API5: variants seen among roughly 807,000 people sequenced by gnomAD.
The protein encoded by API5 is FIF.
API5 carries 6 observed loss-of-function variants against 71.9 expected under a neutral mutation model. That is an observed-to-expected ratio of 0.08 (90% CI 0.05 to 0.16). The LOEUF (loss-of-function observed/expected upper bound fraction) is 0.16. API5 is among the 10% of genes least tolerant of loss of function. API5 has a pLI of 1.00. For missense variants in API5, 332 were observed against 612.8 expected (o/e 0.54, Z 4.84); for synonymous variants, 189 against 221.3 (o/e 0.85, Z 1.30).
chr11:43,341,043 A>G (rs1186189061), intron 13 of API5, among the ~76,000 whole-genome samples: 1 of 152,234 alleles, frequency 6.6e-6, no homozygotes, highest in African/African-American at 2.4e-5. Context: ...GAGGATTAAT[A>G]TTCAGAATAT....
chr11:43,340,837 T>G (rs1312149513), intron 13 of API5, among the ~76,000 whole-genome samples: 2 of 151,994 alleles, frequency 1.3e-5, no homozygotes, highest in Non-Finnish European at 2.9e-5. Context: ...ACAATAAAAC[T>G]ACCATAAGAG....
At chr11:43,335,219 C>T (rs1428101966) in intron 11 of API5, 59 bp from the exon 12 acceptor site, 11 of 1,244,222 alleles carry the variant, frequency 8.8e-6, no homozygotes, top group Non-Finnish European at 1.3e-5. Context: ...CTACCCTCAC[C>T]ACCACTCCCT....
intron 13 of API5, among the ~76,000 whole-genome samples, chr11:43,338,268 A>G (rs1435944679): frequency 2.0e-5 from 3 of 152,180 alleles, no homozygotes; most frequent in East Asian, 1.9e-4. Context: ...TCAGTATCCA[A>G]GTTTATTGCT....
chr11:43,319,066 A>G (rs1203493955), intron 2 of API5: 1 of 369,600 alleles, frequency 2.7e-6, no homozygotes, highest in Non-Finnish European at 4.8e-6. Context: ...GTTGTGGCTC[A>G]CATCTTGTTT....
chr11:43,337,911 A>G (rs938358394), intron 13 of API5, among the ~76,000 whole-genome samples: 2 of 152,224 alleles, frequency 1.3e-5, no homozygotes, highest in African/African-American at 2.4e-5. Context: ...GATATAATGC[A>G]TGTGGAAAAA....
Position 43,323,646 on chromosome 11 carries a change from T to A in API5, c.750+10T>A, listed in dbSNP as rs1450642762. ...AGTACCCCTCTTCTCTGTGAGCTCT[T>A]TATTTTTACACACCCGGTATTAGCT... On this transcript the variant is annotated intron_variant, in intron 6 of 13. Coordinates refer to ENST00000531273, the MANE Select transcript of API5 (RefSeq NM_001142930.2). 6.2e-7 allele frequency: 1 copy of A among 1,611,854 alleles called. No homozygotes were observed.
chr11:43,326,115 A>T (rs1855063129), intron 6 of API5, among the ~76,000 whole-genome samples: 1 of 152,132 alleles, frequency 6.6e-6, no homozygotes, highest in African/African-American at 2.4e-5. Flanking sequence ...ATCTTAAAAA[A>T]CATCTTTAAA....
At chr11:43,315,162 C>T (rs1854627402) in intron 1 of API5, among the ~76,000 whole-genome samples, 1 of 152,148 alleles carries the variant, frequency 6.6e-6, no homozygotes, top group South Asian at 2.1e-4. Context: ...AGACTATTCC[C>T]TCCCCATTAT....
intron 6 of API5, among the ~76,000 whole-genome samples, chr11:43,326,041 G>A (rs557937542): frequency 2.2e-4 from 33 of 152,136 alleles, no homozygotes; most frequent in Non-Finnish European, 4.3e-4. Flanking sequence ...GTTTTGATGA[G>A]GAATCATTAG....
intron 1 of API5, among the ~76,000 whole-genome samples, chr11:43,316,649 G>C (rs879801421): frequency 2.0e-5 from 3 of 152,058 alleles, no homozygotes; most frequent in Non-Finnish European, 4.4e-5. Flanking sequence ...TTGAGACAGG[G>C]TCTTGCTCTG....
intron 1 of API5, among the ~76,000 whole-genome samples, chr11:43,314,542 T>G (rs865826163): frequency 2.0e-5 from 3 of 152,238 alleles, no homozygotes; most frequent in Middle Eastern, 3.2e-3. Flanking sequence ...GTCTACACTT[T>G]AATGAGGACT....
At position 43,323,532 on chromosome 11, in the gene API5, T is replaced by A; in HGVS notation, c.646T>A (p.Leu216Met). The A allele has an allele frequency of 6.2e-7, 1 of 1,614,016 alleles. No individual in the cohort carries two copies. The highest frequency in any genetic ancestry group is 8.5e-7 in the Non-Finnish European group (1 of 1,179,978). The change falls in exon 6 of 14, where the codon TTG becomes ATG. Residue 216 changes from leucine (L) to methionine (M), a missense_variant. Physicochemically the swap from Leu to Met is conservative, Grantham distance 15. Around this residue, in one of 3 missense-constraint regions of API5, gnomAD observed 37 missense variants for 31.3 expected, o/e 1.18. Transcript: ENST00000531273. ...GAGTGGAAGACAGCAACTTGTAGAG[T>A]TGGTGGCTGAACAGGCCGACCTAGA... ...TVSGRQQLVE[L>M]VAEQADLEQT...
intron 13 of API5, among the ~76,000 whole-genome samples, chr11:43,338,694 A>C (rs1855517207): frequency 6.6e-6 from 1 of 151,498 alleles, no homozygotes; most frequent in Non-Finnish European, 1.5e-5. Flanking sequence ...AGAAAAGATA[A>C]CTACGTCAAA....
chr11:43,312,222 C>T (rs757402510), intron 1 of API5, 26 bp downstream of exon 1: 2 of 1,609,984 alleles, frequency 1.2e-6, no homozygotes, highest in South Asian at 2.2e-5. Flanking sequence ...GGGCGGCCTG[C>T]AGGGCCTGGC....
Position 43,321,412 on chromosome 11 carries a change from T to C in API5, c.327T>C (p.Asp109=). The part of the protein sequence containing the change: ...ADILTQLLQT[D]DSAEFNLVNN... ...TTATGCCACTTTTTCTTTATCCAGATGACTCTGCAGAATTTAACCTAGTGA... is the reference window on the plus strand; with the variant it reads ...TTATGCCACTTTTTCTTTATCCAGACGACTCTGCAGAATTTAACCTAGTGA... The change falls in exon 4 of 14, where the codon GAT becomes GAC. Residue 109 remains aspartate, a splice_region_variant and synonymous_variant. Coordinates refer to ENST00000531273, the MANE Select transcript of API5 (RefSeq NM_001142930.2). 1 of 1,607,712 alleles carries C rather than the reference T, an allele frequency of 6.2e-7. No individual in the cohort carries two copies. The highest frequency in any genetic ancestry group is 8.5e-7 in the Non-Finnish European group (1 of 1,176,700).
chr11:43,341,784 CTG>C (rs1239994301), intron 13 of API5, among the ~76,000 whole-genome samples: 2 of 152,178 alleles, frequency 1.3e-5, no homozygotes, highest in Non-Finnish European at 2.9e-5. Context: ...GAGCTGATAA[CTG>C]TACATTCTTT....
chr11:43,318,301 G>T (rs1410115368), intron 1 of API5: 5 of 956,034 alleles, frequency 5.2e-6, no homozygotes, highest in Admixed American at 5.1e-5. Context: ...GAGCCACCAC[G>T]CCTGGCCCAT....
intron 13 of API5, among the ~76,000 whole-genome samples, chr11:43,336,735 G>A (rs1274827991): frequency 6.6e-6 from 1 of 152,124 alleles, no homozygotes; most frequent in Admixed American, 6.5e-5. Context: ...TAGGCCGGGG[G>A]CAGTGGCTCA....
At chr11:43,329,621 A>C (rs1855187199) in intron 9 of API5, among the ~76,000 whole-genome samples, 1 of 152,228 alleles carries the variant, frequency 6.6e-6, no homozygotes. Context: ...GTTGTTATTA[A>C]TAATACCTTA....
Sources: gnomAD v4.1 joint callset for allele counts (sites outside exome capture counted in the v4.1 genomes callset) on GRCh38, gnomAD v4.1.1 for gene constraint, gnomAD v4.1.1 regional missense constraint, MANE v1.5 for transcripts, NCBI Gene and HGNC (gene_info 2026-07-23, HGNC 2026-07-21) for gene names.